Variants in TMC1 observed in about 807,000 individuals in gnomAD.
The protein encoded by TMC1 is transmembrane channel-like protein 1.
Under a neutral mutation model 105.8 loss-of-function variants are expected in TMC1, and 84 were observed. The ratio of observed to expected loss-of-function variants is 0.79; its 90% CI spans 0.67 to 0.95. The LOEUF is 0.95. Ranked by LOEUF, TMC1 falls within the 40% of genes least tolerant of loss-of-function variation. TMC1 has a pLI of 0.00. For missense variants in TMC1, 817 were observed against 914.1 expected, an observed-to-expected ratio of 0.89 and a Z score of 1.37; for synonymous variants, 315 against 311.5, an observed-to-expected ratio of 1.01 and a Z score of -0.12.
Position 72,789,208 on chromosome 9 carries a change from T to C in TMC1, c.1115T>C (p.Val372Ala). 1.2e-6 allele frequency: 2 copies of C among 1,614,016 alleles called. No homozygotes were observed. Among genetic ancestry groups the C allele is most frequent in the Non-Finnish European group, 1.7e-6 (2 of 1,179,966 alleles). The change falls in exon 15 of 24, where the codon GTG becomes GCG. Residue 372 changes from valine (V) to alanine (A), a missense_variant. Coordinates refer to ENST00000297784, the MANE Select transcript of TMC1 (RefSeq NM_138691.3). ...CTGAGGTTTCTGGCTAACTTCTTCG[T>C]GTTTCTAACACTTGGAGGGAGTGGA... Reference protein sequence around the residue: ...RFLRFLANFFVFLTLGGSGYL... With the variant: ...RFLRFLANFFAFLTLGGSGYL...
rs562417946 is a variant in TMC1 at position 72,639,166 on chromosome 9, A to G, written c.-52-9431A>G. On this transcript the variant is annotated intron_variant, in intron 4 of 23. Transcript: ENST00000297784. ...TTACTGGGAACTAACTGCTGGTGAT[A>G]TTTTACACTTGATTTTAGCCAAAAG... Among the ~76,000 whole-genome samples the G allele has an allele frequency of 5.9e-5, 9 of 152,228 alleles. No homozygotes were observed. The South Asian group carries it at 1.9e-3, about 32-fold the overall frequency.
rs1341053139 is a variant in TMC1 at position 72,731,213 on chromosome 9, A to T, written c.363-8906A>T. On this transcript the variant is annotated intron_variant, in intron 8 of 23. Coordinates refer to ENST00000297784, the MANE Select transcript of TMC1 (RefSeq NM_138691.3). ...AATTCACATCTATGCCAGGTGCTAT[A>T]TTAAGTACTGGGAAATTAGTACAAA... 3.9e-5 allele frequency among the ~76,000 whole-genome samples: 6 copies of T among 152,274 alleles called. No homozygotes were observed. The South Asian group carries it at 6.2e-4, about 16-fold the overall frequency.
intron 13 of TMC1, among the ~76,000 whole-genome samples, chr9:72,787,412 A>G (rs922117015): frequency 6.6e-6 from 1 of 152,206 alleles, no homozygotes; most frequent in South Asian, 2.1e-4. Context: ...CGGTCAACCT[A>G]CAATGTCAGC....
chr9:72,532,332 G>A (rs1204874110), intron 1 of TMC1, among the ~76,000 whole-genome samples: 1 of 151,866 alleles, frequency 6.6e-6, no homozygotes, highest in Non-Finnish European at 1.5e-5. Context: ...CTTGAGGTCA[G>A]GAGTTCGAGA....
At chr9:72,602,171 A>C (rs570119456) in intron 2 of TMC1, among the ~76,000 whole-genome samples, 14 of 152,150 alleles carry the variant, frequency 9.2e-5, no homozygotes, top group Admixed American at 7.2e-4. Flanking sequence ...CCTGGACCTT[A>C]CTTGTTGTAG....
intron 2 of TMC1, among the ~76,000 whole-genome samples, chr9:72,611,377 A>G (rs1825021145): frequency 6.6e-6 from 1 of 152,238 alleles, no homozygotes; most frequent in Admixed American, 6.5e-5. Flanking sequence ...ATTTTGCTAT[A>G]GAGAGGTAAA....
At chr9:72,772,731 A>C (rs983811965) in intron 13 of TMC1, among the ~76,000 whole-genome samples, 176 bp downstream of exon 13, 1 of 152,218 alleles carries the variant, frequency 6.6e-6, no homozygotes, top group African/African-American at 2.4e-5. Context: ...ACATCTTCAA[A>C]AGAACTGAAC....
At chr9:72,531,491 T>G (rs898503852) in intron 1 of TMC1, among the ~76,000 whole-genome samples, 2 of 152,214 alleles carry the variant, frequency 1.3e-5, no homozygotes, top group Admixed American at 1.3e-4. Context: ...GTTTCAGATT[T>G]GATATTTTCC....
chr9:72,683,733 TTATATATATATATA>T lies in TMC1; in HGVS notation c.17-4948_17-4935del, dbSNP rs58007608. On this transcript the variant is annotated intron_variant, in intron 5 of 23. Coordinates refer to ENST00000297784, the MANE Select transcript of TMC1 (RefSeq NM_138691.3). ...TCTGAGTTAACCTGAGTTACACATT[TTATATATATATATA>T]TATATATATATATATATATATATAT... is the stretch of plus-strand genomic sequence containing the variant. Among the ~76,000 whole-genome samples the T allele has an allele frequency of 1.4e-3, 75 of 53,398 alleles. 2 individuals carry two copies. The highest frequency in any genetic ancestry group is 0.012 in the Middle Eastern group (1 of 82). 35.0% of individuals were successfully genotyped at this position (53,398 alleles called of 152,430 possible). A position where few individuals can be genotyped will look rare whatever the true frequency, so the allele number is the denominator to read the frequency against.
intron 20 of TMC1, among the ~76,000 whole-genome samples, chr9:72,825,145 T>C (rs928042004): frequency 9.8e-5 from 15 of 152,298 alleles, no homozygotes; most frequent in African/African-American, 2.9e-4. Flanking sequence ...ATAATTTGAA[T>C]GAATGAATGA....
At chr9:72,775,460 T>C (rs1170281576) in intron 13 of TMC1, among the ~76,000 whole-genome samples, 1 of 152,224 alleles carries the variant, frequency 6.6e-6, no homozygotes, top group Non-Finnish European at 1.5e-5. Context: ...TAAAGGTGGC[T>C]TGACATCAGA....
intron 1 of TMC1, among the ~76,000 whole-genome samples, chr9:72,572,501 T>G (rs954372802): frequency 2.6e-5 from 4 of 152,202 alleles, no homozygotes; most frequent in Non-Finnish European, 5.9e-5. Flanking sequence ...ATGGGCAGTA[T>G]CCTTGAACAT....
intron 2 of TMC1, among the ~76,000 whole-genome samples, chr9:72,584,467 A>T (rs1824521974): frequency 1.3e-5 from 2 of 152,126 alleles, no homozygotes. Context: ...GGGTTTTGCC[A>T]TGTTGCTCAG....
chr9:72,711,720 C>T (rs1384078317), intron 8 of TMC1, among the ~76,000 whole-genome samples: 2 of 152,118 alleles, frequency 1.3e-5, no homozygotes, highest in African/African-American at 2.4e-5. Context: ...CTGTAGATTG[C>T]CTGTCCAATC....
At position 72,789,163 on chromosome 9, in the gene TMC1, A is replaced by G. The variant is rs397517834; in HGVS notation, c.1070A>G (p.Asn357Ser). Residue 357 changes from asparagine to serine, a missense_variant, in exon 15 of 24, where the codon AAC becomes AGC. Coordinates refer to ENST00000297784, the MANE Select transcript of TMC1 (RefSeq NM_138691.3). The part of the protein sequence containing the change: ...TEEKAAQVEE[N>S]VHLIRFLRFL... ...GAAAAAGCAGCCCAAGTAGAAGAAA[A>G]CGTCCACTTGATCAGATTCCTGAGG... 1.3e-5 allele frequency: 21 copies of G among 1,613,214 alleles called. No individual in the cohort carries two copies. The highest frequency in any genetic ancestry group is 1.5e-5 in the Non-Finnish European group (18 of 1,179,956).
At chr9:72,826,695 C>T (rs1452665340) in intron 20 of TMC1, among the ~76,000 whole-genome samples, 174 bp from the exon 21 acceptor site, 1 of 151,974 alleles carries the variant, frequency 6.6e-6, no homozygotes, top group Non-Finnish European at 1.5e-5. Flanking sequence ...CGTATCTTAC[C>T]CATATATTGA....
chr9:72,532,011 A>C (rs577704961), intron 1 of TMC1, among the ~76,000 whole-genome samples: 1 of 152,112 alleles, frequency 6.6e-6, no homozygotes, highest in Admixed American at 6.5e-5. Context: ...GGCTCACTGC[A>C]ACCTCCATCT....
At chr9:72,617,900 CTA>C (rs905721895) in intron 3 of TMC1, among the ~76,000 whole-genome samples, 1 of 138,784 alleles carries the variant, frequency 7.2e-6, no homozygotes, top group East Asian at 2.2e-4. Flanking sequence ...CCCAAGAAGT[CTA>C]TGTGTGGTGT....
intron 5 of TMC1, among the ~76,000 whole-genome samples, chr9:72,685,797 A>AT (rs1428239702): frequency 2.0e-5 from 3 of 152,200 alleles, no homozygotes; most frequent in Non-Finnish European, 4.4e-5. Flanking sequence ...TGGTAATTCA[A>AT]TAAGTGAATT....
Sources: gnomAD v4.1 joint callset for allele counts (sites outside exome capture counted in the v4.1 genomes callset) on GRCh38, gnomAD v4.1.1 for gene constraint, MANE v1.5 for transcripts, NCBI Gene and HGNC (gene_info 2026-07-23, HGNC 2026-07-21) for gene names.